The following RIMS1 variants were observed in gnomAD, a reference collection of about 807,000 sequenced individuals.
The protein encoded by RIMS1 is regulating synaptic membrane exocytosis protein 1.
Under a neutral mutation model 214.1 loss-of-function variants are expected in RIMS1, and 83 were observed. The observed-to-expected ratio is 0.39, with a 90% CI of 0.32 to 0.47. The LOEUF (loss-of-function observed/expected upper bound fraction) is 0.47. Ranked by LOEUF, RIMS1 falls within the 20% of genes least tolerant of loss-of-function variation. The pLI is 0.99. For missense variants in RIMS1, 2,050 were observed against 2,161.8 expected (o/e 0.95, Z 1.03); for synonymous variants, 793 against 786.8 (o/e 1.01, Z -0.13).
chr6:72,252,783 T>C lies in RIMS1; in HGVS notation c.2721T>C (p.Ser907=). 1 of 1,559,538 alleles carries C rather than the reference T, an allele frequency of 6.4e-7. No individual in the cohort carries two copies. Among genetic ancestry groups the C allele is most frequent in the Non-Finnish European group, 8.7e-7 (1 of 1,150,456 alleles). The change falls in exon 16 of 34, where the codon AGT becomes AGC. Residue 907 remains serine, a synonymous_variant. Transcript: ENST00000521978. ...CAGGATCTCAGCGAATCAGTGATAG[T>C]GACATCTCAGATTATGAGGTTGATG... ...KLQRSQRISD[S]DISDYEVDDG...
At chr6:72,224,857 T>G (rs1348397373) in intron 6 of RIMS1, among the ~76,000 whole-genome samples, 2 of 152,202 alleles carry the variant, frequency 1.3e-5, no homozygotes, top group Non-Finnish European at 2.9e-5. Flanking sequence ...GAGTCAGAGA[T>G]TTAGACCAGT....
Position 71,993,093 on chromosome 6 carries a change from A to G in RIMS1, c.245+24030A>G, listed in dbSNP as rs559821206. On this transcript the variant is annotated intron_variant, in intron 2 of 33. Coordinates refer to ENST00000521978, the MANE Select transcript of RIMS1 (RefSeq NM_014989.7). ...CACAAGATTGTTAAGGAAAAATTGG[A>G]TTTAATAAAATCAGTTGAGATGTTG... 2.0e-5 allele frequency among the ~76,000 whole-genome samples: 3 copies of G among 152,312 alleles called. No individual in the cohort carries two copies. In the South Asian group the frequency reaches 6.2e-4, roughly 32 times the overall value.
chr6:72,337,963 G>A (rs2096904751), intron 29 of RIMS1, among the ~76,000 whole-genome samples: 1 of 151,626 alleles, frequency 6.6e-6, no homozygotes, highest in Admixed American at 6.6e-5. Context: ...GTGTATATGT[G>A]CCACATTTCC....
chr6:71,999,071 C>A (rs1804332971), intron 2 of RIMS1, among the ~76,000 whole-genome samples: 1 of 151,698 alleles, frequency 6.6e-6, no homozygotes, highest in Admixed American at 6.6e-5. Context: ...TAATATGATC[C>A]CTTTTACAAT....
intron 5 of RIMS1, among the ~76,000 whole-genome samples, chr6:72,181,982 A>T (rs1435097826): frequency 1.3e-5 from 2 of 152,214 alleles, no homozygotes; most frequent in Non-Finnish European, 2.9e-5. Context: ...TCAGCATTTC[A>T]AGAAAAGTAA....
At chr6:72,268,164 T>G (rs2081431602) in intron 22 of RIMS1, among the ~76,000 whole-genome samples, 1 of 152,166 alleles carries the variant, frequency 6.6e-6, no homozygotes, top group Admixed American at 6.6e-5. Context: ...GTACCCTTTG[T>G]GAACACGCCT....
intron 1 of RIMS1, 56 bp from the exon 2 acceptor site, chr6:71,968,927 G>A (rs1190929255): frequency 5.4e-6 from 8 of 1,473,298 alleles, no homozygotes; most frequent in Non-Finnish European, 6.7e-6. Flanking sequence ...ATTTCTAGAT[G>A]TGTTCTACCC....
chr6:72,003,154 G>C (rs745901904), intron 2 of RIMS1, among the ~76,000 whole-genome samples: 6 of 152,174 alleles, frequency 3.9e-5, no homozygotes, highest in Non-Finnish European at 7.3e-5. Context: ...GGGGGTGACT[G>C]TGATAGGTTG....
At chr6:72,289,696 G>T (rs2093025899) in intron 24 of RIMS1, among the ~76,000 whole-genome samples, 1 of 152,086 alleles carries the variant, frequency 6.6e-6, no homozygotes, top group African/African-American at 2.4e-5. Flanking sequence ...GAAGTTGAAT[G>T]ACACTCCTTT....
At chr6:72,365,326 C>T (rs1328716136) in intron 29 of RIMS1, among the ~76,000 whole-genome samples, 2 of 152,194 alleles carry the variant, frequency 1.3e-5, no homozygotes, top group African/African-American at 2.4e-5. Context: ...CATGGCATTC[C>T]ACATGGATAT....
At chr6:72,251,470 T>C (rs2073288910) in intron 15 of RIMS1, 102 bp downstream of exon 15, 5 of 949,012 alleles carry the variant, frequency 5.3e-6, no homozygotes, top group Non-Finnish European at 7.5e-6. Flanking sequence ...TTATTAGAGA[T>C]CAAAATACTG....
chr6:72,238,939 G>C lies in RIMS1; in HGVS notation c.1957+1017G>C, dbSNP rs560915227. ...TTTTTTAATTTGACAAGGACTTGCTGTGCAGGTGTATAGGAAGAAAACTCT... is the reference window on the plus strand; with the variant it reads ...TTTTTTAATTTGACAAGGACTTGCTCTGCAGGTGTATAGGAAGAAAACTCT... On this transcript the variant is annotated intron_variant, in intron 9 of 33. Transcript: ENST00000521978. Among the ~76,000 whole-genome samples the C allele has an allele frequency of 7.2e-5, 11 of 152,086 alleles. No homozygotes were observed. The East Asian group carries it at 1.9e-3, about 27-fold the overall frequency.
intron 2 of RIMS1, among the ~76,000 whole-genome samples, chr6:71,997,862 A>C (rs892036485): frequency 6.6e-6 from 1 of 152,176 alleles, no homozygotes; most frequent in Non-Finnish European, 1.5e-5. Flanking sequence ...CTCTGTGGTT[A>C]CTACTGTGCC....
intron 1 of RIMS1, among the ~76,000 whole-genome samples, chr6:71,890,992 C>T (rs112714608): frequency 0.015 from 2,328 of 152,310 alleles, 40 homozygotes; most frequent in Non-Finnish European, 0.022. Context: ...ACTACACTGT[C>T]TTCCTACCAA....
chr6:72,217,457 G>A (rs927600288), intron 6 of RIMS1, among the ~76,000 whole-genome samples: 14 of 152,030 alleles, frequency 9.2e-5, no homozygotes, highest in African/African-American at 3.1e-4. Flanking sequence ...TTTATCTGAA[G>A]TACACATTAA....
chr6:72,363,303 G>C (rs187975582), intron 29 of RIMS1, among the ~76,000 whole-genome samples: 1 of 152,122 alleles, frequency 6.6e-6, no homozygotes, highest in South Asian at 2.1e-4. Context: ...AAAAAGTGGC[G>C]CAAAAACATT....
intron 22 of RIMS1, among the ~76,000 whole-genome samples, chr6:72,267,114 AAG>A (rs1374895039): frequency 6.6e-6 from 1 of 152,116 alleles, no homozygotes; most frequent in African/African-American, 2.4e-5. Context: ...TAATAGAAAA[AAG>A]TGAAATTTAA....
intron 1 of RIMS1, among the ~76,000 whole-genome samples, chr6:71,920,675 A>G (rs1274889974): frequency 1.3e-5 from 2 of 152,132 alleles, no homozygotes; most frequent in African/African-American, 4.8e-5. Context: ...CTATCAATAA[A>G]TTTTCCTATA....
rs767732863 is a variant in RIMS1, at chr6:72,400,659, G to A, written c.5024G>A (p.Arg1675Gln). The A allele has an allele frequency of 2.5e-6, 4 of 1,613,796 alleles. No individual in the cohort carries two copies. Among genetic ancestry groups the A allele is most frequent in the Non-Finnish European group, 2.5e-6 (3 of 1,179,820 alleles). The stretch of plus-strand genomic sequence containing the variant: ...CCCACACTCACTCCCCTCACCCGGC[G>A]GGCTTCCCAGTCATCTCTGGAAAGT... ...VDPTLTPLTR[R>Q]ASQSSLESST... Residue 1675 changes from arginine to glutamine, a missense_variant, in exon 34 of 34, where the codon CGG becomes CAG. Arg to Gln is a conservative substitution (Grantham distance 43). Around this residue, in one of 6 missense-constraint regions of RIMS1, gnomAD observed 33 missense variants for 40.9 expected, o/e 0.81. Coordinates refer to ENST00000521978, the MANE Select transcript of RIMS1 (RefSeq NM_014989.7).
Sources: allele counts gnomAD v4.1 joint callset (sites outside exome capture counted in the v4.1 genomes callset), GRCh38; gene constraint gnomAD v4.1.1; regional missense constraint gnomAD v4.1.1; transcripts MANE v1.5; gene names NCBI Gene and HGNC (gene_info 2026-07-23, HGNC 2026-07-21).